SPMIP7: variants seen among roughly 807,000 people sequenced by gnomAD.
SPMIP7 encodes the protein protein SPMIP7.
At chr7:50,140,608 CA>C in the SPMIP7 span, among the ~76,000 whole-genome samples, 26 of 151,476 alleles carry the variant, frequency 1.7e-4, no homozygotes, top group Non-Finnish European at 3.1e-4. Flanking sequence ...CCATGGATGG[CA>C]AAAAAAAGTA....
the SPMIP7 span, among the ~76,000 whole-genome samples, chr7:50,120,845 T>C: frequency 6.6e-6 from 1 of 152,212 alleles, no homozygotes; most frequent in Non-Finnish European, 1.5e-5. Flanking sequence ...GGTTCTTAAT[T>C]GCCACTCCAC....
At chr7:50,104,360 A>G in the SPMIP7 span, 39 of 1,542,840 alleles carry the variant, frequency 2.5e-5, no homozygotes, top group East Asian at 9.3e-4. Flanking sequence ...CTCATCATGA[A>G]GGACGCTCAT....
the SPMIP7 span, chr7:50,117,267 G>A: frequency 8.8e-6 from 4 of 455,822 alleles, no homozygotes; most frequent in Admixed American, 7.1e-5. Flanking sequence ...AAACATGAAG[G>A]AAAATAGAGG....
the SPMIP7 span, chr7:50,140,032 A>C: frequency 2.7e-6 from 2 of 733,770 alleles, no homozygotes; most frequent in Non-Finnish European, 4.3e-6. Flanking sequence ...GACAATTCCT[A>C]TGAGATATCT....
At chr7:50,127,313 A>T in the SPMIP7 span, among the ~76,000 whole-genome samples, 7 of 152,040 alleles carry the variant, frequency 4.6e-5, no homozygotes, top group African/African-American at 1.7e-4. Context: ...ATTAGAAAAA[A>T]GTCATGAGGA....
chr7:50,142,443 C>T, the SPMIP7 span: 3 of 152,114 alleles, frequency 2.0e-5, no homozygotes, highest in South Asian at 4.1e-4. Flanking sequence ...TGTTTTTAAG[C>T]AAATGATATT....
the SPMIP7 span, among the ~76,000 whole-genome samples, chr7:50,106,165 A>G: frequency 1.3e-5 from 2 of 152,136 alleles, no homozygotes; most frequent in Non-Finnish European, 2.9e-5. Context: ...CCTTTTTTCT[A>G]ATAAGGTAGA....
chr7:50,107,633 A>G, the SPMIP7 span, among the ~76,000 whole-genome samples: 1 of 152,182 alleles, frequency 6.6e-6, no homozygotes, highest in African/African-American at 2.4e-5. Context: ...GGCAGAAAAA[A>G]TAACACATGC....
the SPMIP7 span, among the ~76,000 whole-genome samples, chr7:50,133,383 C>T: frequency 5.3e-5 from 8 of 152,072 alleles, no homozygotes; most frequent in African/African-American, 9.7e-5. Context: ...ATTATTTTTG[C>T]AGGGGAGAGT....
the SPMIP7 span, among the ~76,000 whole-genome samples, chr7:50,125,741 G>T: frequency 6.6e-6 from 1 of 151,852 alleles, no homozygotes; most frequent in South Asian, 2.1e-4. Context: ...CAGAAATATT[G>T]CATGATTTTA....
At chr7:50,125,022 C>T in the SPMIP7 span, among the ~76,000 whole-genome samples, 21 of 150,148 alleles carry the variant, frequency 1.4e-4, no homozygotes, top group Admixed American at 9.4e-4. Flanking sequence ...TCACTTGAAC[C>T]CAGGAGGCGG....
the SPMIP7 span, among the ~76,000 whole-genome samples, chr7:50,148,978 C>T: frequency 1.1e-4 from 16 of 152,148 alleles, no homozygotes; most frequent in Non-Finnish European, 2.1e-4. Flanking sequence ...AACCCCGACT[C>T]TACTAAAAAT....
At chr7:50,122,037 A>T in the SPMIP7 span, among the ~76,000 whole-genome samples, 2 of 152,236 alleles carry the variant, frequency 1.3e-5, no homozygotes, top group Non-Finnish European at 2.9e-5. Flanking sequence ...ATATATTAAA[A>T]TGATTTAAAA....
chr7:50,139,007 G>A, the SPMIP7 span, among the ~76,000 whole-genome samples: 3 of 152,060 alleles, frequency 2.0e-5, no homozygotes, highest in East Asian at 3.8e-4. Flanking sequence ...AGACTCCAAC[G>A]TGTAAATTGA....
chr7:50,147,134 G>A, the SPMIP7 span, among the ~76,000 whole-genome samples: 1 of 152,214 alleles, frequency 6.6e-6, no homozygotes, highest in Non-Finnish European at 1.5e-5. Context: ...AAGTATTAGT[G>A]TGAAAGCTGT....
the SPMIP7 span, among the ~76,000 whole-genome samples, chr7:50,149,744 C>T: frequency 1.3e-5 from 2 of 152,214 alleles, no homozygotes; most frequent in African/African-American, 2.4e-5. Flanking sequence ...TCATAAATTA[C>T]ACAGCTGGAA....
the SPMIP7 span, among the ~76,000 whole-genome samples, chr7:50,125,203 T>TAC: frequency 1.9e-4 from 5 of 26,354 alleles, no homozygotes; most frequent in African/African-American, 5.0e-4. Flanking sequence ...CACATATATA[T>TAC]ACACATATAT....
chr7:50,098,679 C>G, the SPMIP7 span, among the ~76,000 whole-genome samples: 1 of 149,360 alleles, frequency 6.7e-6, no homozygotes, highest in East Asian at 2.0e-4. Flanking sequence ...CTTGCATCCT[C>G]AGAGAGAGAG....
At chr7:50,157,763 G>C in the SPMIP7 span, among the ~76,000 whole-genome samples, 3 of 152,122 alleles carry the variant, frequency 2.0e-5, no homozygotes, top group African/African-American at 7.2e-5. Context: ...GGGCTTGTGG[G>C]GTTGCTCATA....
Sources: gnomAD v4.1 joint callset for allele counts (sites outside exome capture counted in the v4.1 genomes callset) on GRCh38, gnomAD v4.1.1 for gene constraint, MANE v1.5 for transcripts, NCBI Gene and HGNC (gene_info 2026-07-23, HGNC 2026-07-21) for gene names.